Variants in CLTC observed in about 807,000 individuals in gnomAD.
The protein encoded by CLTC is clathrin heavy chain.
CLTC carries 16 observed loss-of-function variants against 195.8 expected under a neutral mutation model. That is an observed-to-expected ratio of 0.08 (90% CI 0.06 to 0.12). The LOEUF (loss-of-function observed/expected upper bound fraction) is 0.12, where lower values mean the gene tolerates loss of function less well. Among genes scored for constraint, CLTC ranks in the 10% least tolerant of loss-of-function variants. The pLI, the probability that CLTC is intolerant of heterozygous loss-of-function variation, is 1.00. For missense variants in CLTC, 796 were observed against 2,027.0 expected, an observed-to-expected ratio of 0.39 and a Z score of 11.66; for synonymous variants, 667 against 689.4, an observed-to-expected ratio of 0.97 and a Z score of 0.51.
intron 1 of CLTC, among the ~76,000 whole-genome samples, chr17:59,638,800 T>C (rs2031945728): frequency 6.6e-6 from 1 of 152,212 alleles, no homozygotes; most frequent in African/African-American, 2.4e-5. Context: ...AACGGAATAC[T>C]GGTCTGCGGC....
At chr17:59,659,846 A>C (rs1305110659) in intron 6 of CLTC, among the ~76,000 whole-genome samples, 1 of 152,128 alleles carries the variant, frequency 6.6e-6, no homozygotes, top group Admixed American at 6.5e-5. Flanking sequence ...CTCTCTAGGA[A>C]TGAAAATGTA....
rs776119352 is a variant in CLTC, at chr17:59,685,240, CG to C, written c.4605+18del. 1 of 1,567,420 alleles carries C rather than the reference CG, an allele frequency of 6.4e-7. No homozygotes were observed. Among genetic ancestry groups the C allele is most frequent in the East Asian group, 2.3e-5 (1 of 43,912 alleles). On this transcript the variant is annotated intron_variant, in intron 29 of 31. Coordinates refer to ENST00000269122, the MANE Select transcript of CLTC (RefSeq NM_004859.4). This position sits in a 1 kb window ranked among gnomAD's most constrained non-coding sequence, Gnocchi z 5.0. ...AGCCTTTACAAGGTTGATAAAGTTG[CG>C]GGGCAGGGGCTGTTTTAAACCAGGC...
At chr17:59,674,585 A>G (rs1343835652) in intron 15 of CLTC, 116 bp from the exon 16 acceptor site, 1 of 916,190 alleles carries the variant, frequency 1.1e-6, no homozygotes, top group Non-Finnish European at 1.6e-6. Flanking sequence ...GAATTTAAAA[A>G]CTGAACTTAA....
At chr17:59,671,355 A>G (rs2032843373) in intron 14 of CLTC, among the ~76,000 whole-genome samples, 1 of 152,158 alleles carries the variant, frequency 6.6e-6, no homozygotes, top group African/African-American at 2.4e-5. Flanking sequence ...GATGCCTCTT[A>G]TCACTGTTAT....
intron 6 of CLTC, among the ~76,000 whole-genome samples, chr17:59,660,103 G>T (rs1567953389): frequency 6.6e-6 from 1 of 152,164 alleles, no homozygotes; most frequent in Admixed American, 6.5e-5. Flanking sequence ...TGAATAGATG[G>T]TATCAAAGCA....
rs757978607 is a variant in CLTC at position 59,660,441 on chromosome 17, T to C, written c.1020T>C (p.Asn340=). Reference sequence around the variant, plus strand: ...AAAACATAATTCCTTACATCACCAATGTTCTACAAAATCCTGATTTGGCTC... The same window carrying C: ...AAAACATAATTCCTTACATCACCAACGTTCTACAAAATCCTGATTTGGCTC... The part of the protein sequence containing the change: ...EEENIIPYIT[N]VLQNPDLALR... Residue 340 remains asparagine (N), a synonymous_variant, in exon 7 of 32, where the codon AAT becomes AAC. Coordinates refer to ENST00000269122, the MANE Select transcript of CLTC (RefSeq NM_004859.4). 17 of 1,614,054 alleles carry C rather than the reference T, an allele frequency of 1.1e-5. No homozygotes were observed. Among genetic ancestry groups the C allele is most frequent in the Admixed American group, 1.7e-5 (1 of 60,004 alleles).
chr17:59,641,603 CAAAAA>C (rs34208843), intron 1 of CLTC, among the ~76,000 whole-genome samples: 55 of 48,850 alleles, frequency 1.1e-3, no homozygotes, highest in African/African-American at 4.4e-3. Context: ...GACTCCATCT[CAAAAA>C]AAAAAAAAAA....
intron 1 of CLTC, among the ~76,000 whole-genome samples, chr17:59,628,275 A>G (rs2031609061): frequency 6.6e-6 from 1 of 152,216 alleles, no homozygotes; most frequent in African/African-American, 2.4e-5. Flanking sequence ...TCTATTGATT[A>G]TGTCAGGTTT....
At chr17:59,621,996 T>G (rs1317289503) in intron 1 of CLTC, among the ~76,000 whole-genome samples, 1 of 152,254 alleles carries the variant, frequency 6.6e-6, no homozygotes, top group Non-Finnish European at 1.5e-5. Flanking sequence ...CTACTAAATC[T>G]TGTGGTGGTT....
rs1907436785 is a variant in CLTC, at chr17:59,666,392, A to G, written c.1783-88A>G. The G allele has an allele frequency of 2.0e-6, 3 of 1,514,832 alleles. No individual in the cohort carries two copies. The highest frequency in any genetic ancestry group is 2.7e-6 in the Non-Finnish European group (3 of 1,114,666). The allele number at this position is 1,514,832 out of a possible 1,614,324, so 93.8% of individuals were successfully genotyped here. On this transcript the variant is annotated intron_variant, in intron 11 of 31. Coordinates refer to ENST00000269122, the MANE Select transcript of CLTC (RefSeq NM_004859.4). This position sits in a 1 kb window ranked among gnomAD's most constrained non-coding sequence, Gnocchi z 4.9. Reference sequence around the variant, plus strand: ...ATATTCTTTTGTACTTTAACAGTTCACTATTAAACCTTAATCTGTAATACG... The same window carrying G: ...ATATTCTTTTGTACTTTAACAGTTCGCTATTAAACCTTAATCTGTAATACG...
chr17:59,693,739 T>G lies in CLTC; in HGVS notation c.4915T>G (p.Leu1639Val). 6.2e-7 allele frequency: 1 copy of G among 1,613,286 alleles called. No homozygotes were observed. Among genetic ancestry groups the G allele is most frequent in the Non-Finnish European group, 8.5e-7 (1 of 1,179,592 alleles). The change falls in exon 32 of 32, where the codon TTG (leucine) becomes GTG (valine). Residue 1639 changes from leucine (L) to valine (V), a missense_variant. Leu to Val is a conservative substitution (Grantham distance 32). Coordinates refer to ENST00000269122, the MANE Select transcript of CLTC (RefSeq NM_004859.4). ...TQPIVYGQPQLMLTAGPSVAV... is the reference protein window; with the variant it reads ...TQPIVYGQPQVMLTAGPSVAV... ...TTCTTCTACTGTAGGTCAGCCCCAG[T>G]TGATGCTGACAGCAGGACCCAGTGT...
At chr17:59,637,698 CAAAAAAAA>C (rs35693192) in intron 1 of CLTC, among the ~76,000 whole-genome samples, 7 of 113,538 alleles carry the variant, frequency 6.2e-5, no homozygotes, top group African/African-American at 2.0e-4. Context: ...CCTATCTCTA[CAAAAAAAA>C]AAAAAAAAAA....
At chr17:59,639,334 C>CTT (rs2031961378) in intron 1 of CLTC, among the ~76,000 whole-genome samples, 1 of 152,066 alleles carries the variant, frequency 6.6e-6, no homozygotes, top group Non-Finnish European at 1.5e-5. Flanking sequence ...GATTTTAGTG[C>CTT]TTTACTGTAT....
At position 59,694,378 on chromosome 17, in the gene CLTC, TC is replaced by T. The variant is rs1305160684; in HGVS notation, c.*529del. ...ACATCGTACACTGGATTGCAGTGCT[TC>T]CCAGATTATTGAAAAATGTTACAGA... On this transcript the variant is annotated 3_prime_UTR_variant, in exon 32 of 32. Transcript: ENST00000269122. The T allele has an allele frequency of 8.9e-6, 2 of 224,364 alleles. No individual in the cohort carries two copies. Among genetic ancestry groups the T allele is most frequent in the Non-Finnish European group, 1.8e-5 (2 of 112,220 alleles). 13.9% of individuals were successfully genotyped at this position (224,364 alleles called of 1,614,324 possible).
intron 30 of CLTC, chr17:59,689,200 AG>A (rs1458713176): frequency 6.6e-6 from 1 of 152,220 alleles, no homozygotes; most frequent in East Asian, 1.9e-4. Context: ...GAGCCTACTT[AG>A]GCTTACTTTT....
chr17:59,684,181 A>G (rs963706242), intron 28 of CLTC, 196 bp downstream of exon 28: 7 of 526,714 alleles, frequency 1.3e-5, no homozygotes, highest in African/African-American at 7.6e-5. Flanking sequence ...CAGATCTTGT[A>G]TAAGATACTG....
At chr17:59,670,969 C>G (rs1051648678) in intron 14 of CLTC, 3 of 152,136 alleles carry the variant, frequency 2.0e-5, no homozygotes, top group Admixed American at 6.6e-5. Flanking sequence ...CTAGCTGTTA[C>G]CTCAGGCAAG....
Position 59,673,636 on chromosome 17 carries a change from C to CT in CLTC, c.2293-4dup, listed in dbSNP as rs1347858673. 2.5e-6 allele frequency: 4 copies of CT among 1,600,760 alleles called. No homozygotes were observed. The highest frequency in any genetic ancestry group is 3.4e-6 in the Non-Finnish European group (4 of 1,171,564). ...AAATTTAAAGTTTCCTTTTGTTTGT[C>CT]TTTTTTTCAGGAAGCAAAACTAACA... is the stretch of plus-strand genomic sequence containing the variant. On this transcript the variant is annotated splice_polypyrimidine_tract_variant and intron_variant, in intron 14 of 31. Transcript: ENST00000269122.
At chr17:59,653,088 G>C (rs1479391575) in intron 5 of CLTC, among the ~76,000 whole-genome samples, 1 of 152,144 alleles carries the variant, frequency 6.6e-6, no homozygotes, top group East Asian at 1.9e-4. Context: ...TCACAGAATT[G>C]AGGAGAGTTA....
Sources: allele counts gnomAD v4.1 joint callset (sites outside exome capture counted in the v4.1 genomes callset), GRCh38; gene constraint gnomAD v4.1.1; non-coding constraint Gnocchi (gnomAD v3.1); transcripts MANE v1.5; gene names NCBI Gene and HGNC (gene_info 2026-07-23, HGNC 2026-07-21).